NARS2: variants seen among roughly 807,000 people sequenced by gnomAD.
The protein encoded by NARS2 is asparaginyl-tRNA synthetase 2, mitochondrial, also known as asparaginyl-tRNA synthetase.
In NARS2, 60 loss-of-function variants were observed where a neutral mutation model predicts 62.9. That is an observed-to-expected ratio of 0.95 (90% confidence interval 0.77 to 1.18). NARS2 has a LOEUF of 1.18. Ranked by LOEUF, NARS2 falls within the 50% of genes most tolerant of loss-of-function variation. The pLI is 0.00. For synonymous variants in NARS2, 196 were observed against 200.0 expected, an observed-to-expected ratio of 0.98 and a Z score of 0.17; for missense variants, 619 against 576.4, an observed-to-expected ratio of 1.07 and a Z score of -0.76.
intron 5 of NARS2, among the ~76,000 whole-genome samples, chr11:78,541,603 G>A (rs912549570): frequency 4.6e-5 from 7 of 151,942 alleles, no homozygotes; most frequent in African/African-American, 1.7e-4. Flanking sequence ...CCAGCTACTC[G>A]GGAGGCTGAG....
chr11:78,502,088 G>A (rs1860301365), intron 6 of NARS2, among the ~76,000 whole-genome samples: 4 of 152,186 alleles, frequency 2.6e-5, no homozygotes, highest in African/African-American at 7.2e-5. Flanking sequence ...CATACTATAT[G>A]ATTTCCTGTA....
chr11:78,525,875 G>A (rs1861276855), intron 6 of NARS2, among the ~76,000 whole-genome samples: 1 of 152,126 alleles, frequency 6.6e-6, no homozygotes, highest in African/African-American at 2.4e-5. Flanking sequence ...CTTCGCCTCT[G>A]TGGTATTCTT....
At chr11:78,485,376 CATGT>C (rs1429894666) in intron 7 of NARS2, among the ~76,000 whole-genome samples, 2 of 151,590 alleles carry the variant, frequency 1.3e-5, no homozygotes, top group Non-Finnish European at 2.9e-5. Flanking sequence ...ACGTTCTGCA[CATGT>C]ATCCCAGAAC....
intron 5 of NARS2, among the ~76,000 whole-genome samples, chr11:78,551,177 T>C (rs1305367511): frequency 6.6e-6 from 1 of 152,204 alleles, no homozygotes; most frequent in African/African-American, 2.4e-5. Context: ...CTGAAAACCA[T>C]GCAACTTTAT....
intron 2 of NARS2, among the ~76,000 whole-genome samples, 167 bp from the exon 3 acceptor site, chr11:78,568,919 T>G (rs1321820460): frequency 2.0e-5 from 3 of 152,220 alleles, no homozygotes; most frequent in Non-Finnish European, 4.4e-5. Flanking sequence ...AAATAGAGCA[T>G]AAAGTTATAA....
chr11:78,465,108 C>T (rs1308949891), intron 11 of NARS2, among the ~76,000 whole-genome samples: 2 of 152,334 alleles, frequency 1.3e-5, no homozygotes, highest in Non-Finnish European at 2.9e-5. Context: ...GGTCCCGAGC[C>T]CTGCCCCACG....
chr11:78,480,166 C>T (rs543303182), intron 7 of NARS2, among the ~76,000 whole-genome samples: 3 of 152,278 alleles, frequency 2.0e-5, no homozygotes, highest in East Asian at 1.9e-4. Flanking sequence ...TCCCATAGTA[C>T]GAGGATTATA....
intron 2 of NARS2, among the ~76,000 whole-genome samples, chr11:78,569,073 T>C (rs1031414860): frequency 1.3e-5 from 2 of 152,192 alleles, no homozygotes; most frequent in African/African-American, 4.8e-5. Flanking sequence ...ATGGGAAAAC[T>C]GCAAATCAAA....
chr11:78,473,105 G>T (rs941657566), intron 9 of NARS2, among the ~76,000 whole-genome samples: 4 of 152,184 alleles, frequency 2.6e-5, no homozygotes, highest in Non-Finnish European at 4.4e-5. Context: ...GTTCAAGGCT[G>T]CAGTGAGCTA....
At chr11:78,501,213 C>A (rs956522514) in intron 6 of NARS2, among the ~76,000 whole-genome samples, 2 of 152,166 alleles carry the variant, frequency 1.3e-5, no homozygotes, top group Non-Finnish European at 2.9e-5. Flanking sequence ...AGGAGTGACA[C>A]TGCTTTACAC....
intron 11 of NARS2, among the ~76,000 whole-genome samples, chr11:78,454,692 C>T (rs1402687610): frequency 6.6e-6 from 1 of 151,254 alleles, no homozygotes; most frequent in Non-Finnish European, 1.5e-5. Flanking sequence ...GATCTCGGCT[C>T]ACTGCAACCT....
intron 4 of NARS2, among the ~76,000 whole-genome samples, chr11:78,560,354 TTCC>T (rs1487072876): frequency 1.3e-5 from 2 of 152,210 alleles, no homozygotes; most frequent in Admixed American, 1.3e-4. Flanking sequence ...CTGAGACTAT[TTCC>T]ATTAGTGAAC....
intron 6 of NARS2, among the ~76,000 whole-genome samples, chr11:78,507,531 T>TG (rs1227205661): frequency 6.6e-6 from 1 of 150,926 alleles, no homozygotes; most frequent in Non-Finnish European, 1.5e-5. Flanking sequence ...TCTTTTTTTT[T>TG]TTTTTTGAGA....
chr11:78,571,474 C>T (rs117533891), intron 1 of NARS2, 30 bp from the exon 2 acceptor site: 10 of 1,505,286 alleles, frequency 6.6e-6, no homozygotes, highest in Middle Eastern at 3.4e-4. Flanking sequence ...CCAATGTGAG[C>T]GTAAAACATT....
intron 6 of NARS2, among the ~76,000 whole-genome samples, chr11:78,515,941 T>C (rs569000883): frequency 3.3e-5 from 5 of 152,324 alleles, no homozygotes; most frequent in South Asian, 2.1e-4. Context: ...ACCCACCAGA[T>C]AGACTTCAAC....
chr11:78,475,444 T>C (rs374909691), intron 9 of NARS2, among the ~76,000 whole-genome samples: 2 of 152,166 alleles, frequency 1.3e-5, no homozygotes, highest in African/African-American at 2.4e-5. Flanking sequence ...CTGAATCATA[T>C]GGTAAATATA....
chr11:78,542,513 A>G (rs895323989), intron 5 of NARS2, among the ~76,000 whole-genome samples: 2 of 152,070 alleles, frequency 1.3e-5, no homozygotes, highest in Non-Finnish European at 2.9e-5. Context: ...ATATGATAAG[A>G]TATGGTCCTA....
At chr11:78,468,492 C>T (rs1437072375) in intron 10 of NARS2, among the ~76,000 whole-genome samples, 5 of 149,588 alleles carry the variant, frequency 3.3e-5, no homozygotes, top group African/African-American at 4.9e-5. Context: ...GCAGACTCTG[C>T]CCCCCGGGTT....
chr11:78,529,754 G>A (rs1861414437), intron 5 of NARS2, among the ~76,000 whole-genome samples: 1 of 152,106 alleles, frequency 6.6e-6, no homozygotes. Flanking sequence ...TTGATCTTCT[G>A]GGATCAAGAA....
Sources: gnomAD v4.1 joint callset for allele counts (sites outside exome capture counted in the v4.1 genomes callset) on GRCh38, gnomAD v4.1.1 for gene constraint, MANE v1.5 for transcripts, NCBI Gene and HGNC (gene_info 2026-07-23, HGNC 2026-07-21) for gene names.